The following ANK2 variants were observed in gnomAD, a reference collection of about 807,000 sequenced individuals.
ANK2 encodes ankyrin-2.
Under a neutral mutation model 360.5 loss-of-function variants are expected in ANK2, and 83 were observed. The ratio of observed to expected loss-of-function variants is 0.23; its 90% CI spans 0.19 to 0.28. ANK2 has a LOEUF of 0.28. Ranked by LOEUF, ANK2 falls within the 10% of genes least tolerant of loss-of-function variation. The pLI, the probability that ANK2 is intolerant of heterozygous loss-of-function variation, is 1.00. For synonymous variants in ANK2, 1,740 were observed against 1,759.5 expected (o/e 0.99, Z 0.28); for missense variants, 4,201 against 4,795.7 (o/e 0.88, Z 3.66).
chr4:113,025,593 C>G lies in ANK2; in HGVS notation c.21+121079C>G, dbSNP rs560727522. ...TTTCTAAGGCTTCTCTTCAATCATGCCTTCATTCCTTCAAAATGAATGCAA... is the reference window on the plus strand; with the variant it reads ...TTTCTAAGGCTTCTCTTCAATCATGGCTTCATTCCTTCAAAATGAATGCAA... On this transcript the variant is annotated intron_variant, in intron 2 of 30. Coordinates refer to the ANK2 transcript ENST00000503271. Among the ~76,000 whole-genome samples the G allele has an allele frequency of 4.6e-5, 7 of 152,274 alleles. No homozygotes were observed. In the South Asian group the frequency reaches 8.3e-4, roughly 18 times the overall value.
the ANK2 span, among the ~76,000 whole-genome samples, chr4:112,748,012 T>C: frequency 6.6e-6 from 1 of 152,226 alleles, no homozygotes; most frequent in Non-Finnish European, 1.5e-5. Flanking sequence ...TTATAATGTG[T>C]TCTACATTAG....
chr4:113,249,331 A>G (rs1318402795), intron 9 of ANK2, among the ~76,000 whole-genome samples: 8 of 152,246 alleles, frequency 5.3e-5, no homozygotes, highest in African/African-American at 1.9e-4. Flanking sequence ...TTTAGGTAAA[A>G]GTATATTAGA....
intron 1 of ANK2, chr4:112,827,573 A>G: frequency 9.4e-7 from 1 of 1,064,178 alleles, no homozygotes; most frequent in Non-Finnish European, 1.5e-6. Context: ...GAGATGAAAT[A>G]TTCTCGAGCT....
At chr4:113,030,426 G>C (rs1416336241) in intron 2 of ANK2, among the ~76,000 whole-genome samples, 1 of 152,090 alleles carries the variant, frequency 6.6e-6, no homozygotes, top group Non-Finnish European at 1.5e-5. Context: ...ACCTGATTAG[G>C]AGTCTAGAAT....
chr4:113,358,947 A>G lies in ANK2; in HGVS notation c.10329A>G (p.Pro3443=). ...TRPKILTSRL[P]VKSRSTTSSC... ...CAAAGATACTTACATCCCGATTGCC[A>G]GTTAAGAGCAGAAGCACTACATCTT... Residue 3443 remains proline (P), a synonymous_variant, in exon 38 of 46, where the codon CCA becomes CCG. Transcript: ENST00000357077. 2 of 1,613,942 alleles carry G rather than the reference A, an allele frequency of 1.2e-6. No homozygotes were observed. The highest frequency in any genetic ancestry group is 1.7e-6 in the Non-Finnish European group (2 of 1,179,910).
At chr4:113,033,742 G>A (rs1195378935) in intron 2 of ANK2, 1 of 151,934 alleles carries the variant, frequency 6.6e-6, no homozygotes, top group Non-Finnish European at 1.5e-5. Context: ...CAAATGGATA[G>A]TTTCCATTTA....
chr4:113,045,537 G>A (rs1234148691), upstream of ANK2, among the ~76,000 whole-genome samples: 1 of 152,200 alleles, frequency 6.6e-6, no homozygotes. Context: ...TACTGTGGTT[G>A]ACACTAACCT....
At chr4:112,787,421 T>A in the ANK2 span, among the ~76,000 whole-genome samples, 1 of 152,220 alleles carries the variant, frequency 6.6e-6, no homozygotes, top group Non-Finnish European at 1.5e-5. Flanking sequence ...TTCACTCAGA[T>A]AATTTTAAGA....
intron 2 of ANK2, among the ~76,000 whole-genome samples, chr4:113,023,202 T>C (rs1052882201): frequency 1.3e-5 from 2 of 152,234 alleles, no homozygotes; most frequent in African/African-American, 2.4e-5. Flanking sequence ...TTCATAATTA[T>C]AGGCTAAAGA....
chr4:113,323,114 G>A (rs2087340818), intron 26 of ANK2, among the ~76,000 whole-genome samples: 5 of 152,114 alleles, frequency 3.3e-5, no homozygotes, highest in Admixed American at 3.3e-4. Flanking sequence ...GAAGAAGAGT[G>A]AAAGGTAGAA....
intron 9 of ANK2, among the ~76,000 whole-genome samples, chr4:113,242,772 A>G (rs1203447486): frequency 6.6e-6 from 1 of 152,208 alleles, no homozygotes; most frequent in African/African-American, 2.4e-5. Flanking sequence ...AAACTTAAGT[A>G]AAATGTCATT....
intron 7 of ANK2, among the ~76,000 whole-genome samples, chr4:113,239,996 A>G (rs1255020924): frequency 6.6e-6 from 1 of 152,192 alleles, no homozygotes; most frequent in African/African-American, 2.4e-5. Context: ...CTTTGTAAGA[A>G]TTTTTCAACA....
intron 1 of ANK2, among the ~76,000 whole-genome samples, chr4:113,160,532 A>G (rs775352680): frequency 2.0e-4 from 31 of 152,248 alleles, no homozygotes; most frequent in Non-Finnish European, 3.7e-4. Flanking sequence ...AGTTTAATTC[A>G]TATCGACCAA....
chr4:113,145,142 T>A (rs1252853511), intron 1 of ANK2, among the ~76,000 whole-genome samples: 1 of 152,182 alleles, frequency 6.6e-6, no homozygotes. Context: ...TCATGAATAA[T>A]GACAAACTAC....
intron 7 of ANK2, 72 bp downstream of exon 7, chr4:113,237,694 T>G (rs1170001649): frequency 6.8e-6 from 9 of 1,315,350 alleles, no homozygotes; most frequent in Non-Finnish European, 9.9e-6. Context: ...GAATAAATGC[T>G]CACTAATTCA....
intron 1 of ANK2, among the ~76,000 whole-genome samples, chr4:113,154,013 A>G (rs2097185714): frequency 6.6e-6 from 1 of 152,218 alleles, no homozygotes; most frequent in Non-Finnish European, 1.5e-5. Context: ...GAAACCCTTC[A>G]CATTTTATTA....
intron 2 of ANK2, among the ~76,000 whole-genome samples, chr4:113,032,189 AAATCATAAGCT>A (rs2060565559): frequency 6.6e-6 from 1 of 152,102 alleles, no homozygotes; most frequent in Non-Finnish European, 1.5e-5. Flanking sequence ...TATGCAACTT[AAATCATAAGCT>A]TGTTTGTTTT....
Position 113,102,433 on chromosome 4 carries a change from G to T in ANK2, c.84+52621G>T, listed in dbSNP as rs1163046342. On this transcript the variant is annotated intron_variant, in intron 1 of 45. Coordinates refer to ENST00000357077, the MANE Select transcript of ANK2 (RefSeq NM_001148.6). ...GAAAAGAGGCTAGAACCAGAGATAGGAACTTTGGATTGAGCACATATATGA... is the reference window on the plus strand; with the variant it reads ...GAAAAGAGGCTAGAACCAGAGATAGTAACTTTGGATTGAGCACATATATGA... 2.0e-5 allele frequency among the ~76,000 whole-genome samples: 3 copies of T among 152,198 alleles called. No homozygotes were observed. The East Asian group carries it at 5.8e-4, about 29-fold the overall frequency.
the ANK2 span, among the ~76,000 whole-genome samples, chr4:112,786,749 T>C: frequency 6.8e-6 from 1 of 147,174 alleles, no homozygotes; most frequent in Non-Finnish European, 1.5e-5. Context: ...AATCAAACTT[T>C]TTTTTTTTTT....
Sources: allele counts gnomAD v4.1 joint callset (sites outside exome capture counted in the v4.1 genomes callset), GRCh38; gene constraint gnomAD v4.1.1; transcripts MANE v1.5; gene names NCBI Gene and HGNC (gene_info 2026-07-23, HGNC 2026-07-21).